ATP11C: variants seen among roughly 807,000 people sequenced by gnomAD.
ATP11C encodes the protein ATPase phospholipid transporting 11C (ATP11C blood group), also known as phospholipid-transporting ATPase IG.
Under a neutral mutation model 97.4 loss-of-function variants are expected in ATP11C, and 36 were observed. The ratio of observed to expected loss-of-function variants is 0.37; its 90% CI spans 0.28 to 0.49. The LOEUF is 0.49. Among genes scored for constraint, ATP11C ranks in the 20% least tolerant of loss-of-function variants. The pLI is 0.98. For missense variants in ATP11C, 730 were observed against 824.6 expected (o/e 0.89, Z 1.40); for synonymous variants, 275 against 290.9 (o/e 0.95, Z 0.56).
In ATP11C at chrX:139,728,905, T is replaced by C; in HGVS notation, c.*61A>G. 2 of 1,202,744 alleles carry C rather than the reference T, an allele frequency of 1.7e-6. No homozygotes were observed. The highest frequency in any genetic ancestry group is 2.2e-6 in the Non-Finnish European group (2 of 889,175). On this transcript the variant is annotated 3_prime_UTR_variant, in exon 30 of 30. Transcript: ENST00000682941. ...GTTTCTTCATGCTTTCTTTTTTAGCTGTAACCACTGTCAGTATGCTTGTAG... is the reference window on the plus strand; with the variant it reads ...GTTTCTTCATGCTTTCTTTTTTAGCCGTAACCACTGTCAGTATGCTTGTAG...
intron 1 of ATP11C, among the ~76,000 whole-genome samples, chrX:139,876,074 C>T (rs2084467030): frequency 9.0e-6 from 1 of 111,682 alleles, no homozygotes; most frequent in Admixed American, 9.5e-5. Context: ...AACTGCTGAC[C>T]TTCAGTTACT....
chrX:139,873,690 G>C (rs1372782757), intron 1 of ATP11C, among the ~76,000 whole-genome samples: 1 of 75,844 alleles, frequency 1.3e-5, no homozygotes, highest in East Asian at 5.0e-4. Context: ...CTGGGTAACA[G>C]AGCGAGACTC....
At chrX:139,833,567 G>A (rs2083696571) in intron 1 of ATP11C, among the ~76,000 whole-genome samples, 1 of 110,267 alleles carries the variant, frequency 9.1e-6, no homozygotes, top group African/African-American at 3.3e-5. Context: ...GCACACACCT[G>A]TAGTCCTACC....
At chrX:139,912,919 A>T (rs766236478) in intron 1 of ATP11C, among the ~76,000 whole-genome samples, 68 of 112,143 alleles carry the variant, frequency 6.1e-4, no homozygotes, top group Non-Finnish European at 1.1e-3. Flanking sequence ...CTTTTAAAAT[A>T]GACTTTATTT....
chrX:139,896,437 A>C (rs1272701327), intron 1 of ATP11C, among the ~76,000 whole-genome samples: 1 of 110,636 alleles, frequency 9.0e-6, no homozygotes, highest in Non-Finnish European at 1.9e-5. Flanking sequence ...CCAAATAAAT[A>C]TGATGACTAA....
chrX:139,767,966 A>G (rs2082172191), intron 20 of ATP11C, among the ~76,000 whole-genome samples: 1 of 111,420 alleles, frequency 9.0e-6, no homozygotes, highest in East Asian at 2.8e-4. Context: ...AGCTAATGTC[A>G]TAAGGGATCT....
intron 1 of ATP11C, among the ~76,000 whole-genome samples, chrX:139,879,171 G>A (rs1042932628): frequency 1.6e-4 from 18 of 110,628 alleles, no homozygotes; most frequent in African/African-American, 4.3e-4. Flanking sequence ...TGTGAGGGCC[G>A]GAGAGAAAGG....
chrX:139,731,592 C>T (rs1338485898), intron 29 of ATP11C, 59 bp downstream of exon 29: 2 of 705,136 alleles, frequency 2.8e-6, no homozygotes, highest in Admixed American at 3.2e-5. Context: ...TTCATTTTTT[C>T]TTTATAATGC....
chrX:139,819,501 G>GT, intron 2 of ATP11C, 74 bp from the exon 3 acceptor site: 2 of 398,505 alleles, frequency 5.0e-6, no homozygotes, highest in South Asian at 8.8e-5. Flanking sequence ...GACTGATTAT[G>GT]GGTCCACATT....
intron 5 of ATP11C, among the ~76,000 whole-genome samples, chrX:139,811,497 C>A (rs948652755): frequency 9.0e-6 from 1 of 111,290 alleles, no homozygotes; most frequent in African/African-American, 3.3e-5. Flanking sequence ...CTAGCATTTT[C>A]TTTAATAGCA....
intron 1 of ATP11C, among the ~76,000 whole-genome samples, chrX:139,892,686 C>A (rs1244442901): frequency 8.9e-6 from 1 of 112,023 alleles, no homozygotes; most frequent in Non-Finnish European, 1.9e-5. Context: ...ACGAGCCAGA[C>A]AACAGCAATC....
chrX:139,893,141 C>T (rs772034370), intron 1 of ATP11C, among the ~76,000 whole-genome samples: 28 of 112,035 alleles, frequency 2.5e-4, no homozygotes, highest in Non-Finnish European at 4.3e-4. Flanking sequence ...CAGGCTCAAG[C>T]GATTTTCGTG....
At chrX:139,824,513 C>T (rs1225012863) in intron 2 of ATP11C, among the ~76,000 whole-genome samples, 1 of 111,537 alleles carries the variant, frequency 9.0e-6, no homozygotes, top group Non-Finnish European at 1.9e-5. Flanking sequence ...CAGTGAAACC[C>T]CATCTCTACT....
chrX:139,870,191 T>C (rs2084351197), intron 1 of ATP11C, among the ~76,000 whole-genome samples: 1 of 112,080 alleles, frequency 8.9e-6, no homozygotes, highest in Non-Finnish European at 1.9e-5. Flanking sequence ...GCATTAAATA[T>C]GTGCAGTTTT....
At chrX:139,808,630 T>C (rs2083098357) in intron 5 of ATP11C, among the ~76,000 whole-genome samples, 1 of 111,300 alleles carries the variant, frequency 9.0e-6, no homozygotes, top group Admixed American at 9.6e-5. Flanking sequence ...GAAAAATAAT[T>C]TTCGTAATTG....
At chrX:139,797,053 C>T (rs1351382767) in intron 11 of ATP11C, 123 bp downstream of exon 11, 26 of 528,284 alleles carry the variant, frequency 4.9e-5, no homozygotes, top group Non-Finnish European at 7.2e-5. Context: ...TGGCTTAGAG[C>T]CACCATGTAA....
At chrX:139,888,097 C>G (rs2084673311) in intron 1 of ATP11C, among the ~76,000 whole-genome samples, 1 of 110,577 alleles carries the variant, frequency 9.0e-6, no homozygotes, top group East Asian at 2.8e-4. Context: ...GGACCAGTAG[C>G]CAGAATATAT....
chrX:139,876,794 T>A (rs1722463080), intron 1 of ATP11C, among the ~76,000 whole-genome samples: 1 of 112,151 alleles, frequency 8.9e-6, no homozygotes, highest in Admixed American at 9.5e-5. Context: ...CTGCTGCAGC[T>A]AAGTTTTACA....
intron 1 of ATP11C, among the ~76,000 whole-genome samples, chrX:139,884,379 A>G: frequency 8.9e-6 from 1 of 112,414 alleles, no homozygotes; most frequent in East Asian, 2.8e-4. Flanking sequence ...CTAAGGGACT[A>G]AAGTTAGCTA....
Sources: allele counts gnomAD v4.1 joint callset (sites outside exome capture counted in the v4.1 genomes callset), GRCh38; gene constraint gnomAD v4.1.1; transcripts MANE v1.5; gene names NCBI Gene and HGNC (gene_info 2026-07-23, HGNC 2026-07-21).